The following KCNN2 variants were observed in gnomAD, a reference collection of about 807,000 sequenced individuals.
The protein encoded by KCNN2 is potassium calcium-activated channel subfamily N member 2, also known as small conductance calcium-activated potassium channel protein 2.
In KCNN2, 24 loss-of-function variants were observed where a neutral mutation model predicts 55.5. The ratio of observed to expected loss-of-function variants is 0.43; its 90% CI spans 0.31 to 0.61. The LOEUF (loss-of-function observed/expected upper bound fraction) is 0.61, where lower values mean the gene tolerates loss of function less well. KCNN2 is among the 20% of genes least tolerant of loss of function. KCNN2 has a pLI of 0.08. For missense variants in KCNN2, 754 were observed against 853.6 expected (o/e 0.88, Z 1.45); for synonymous variants, 431 against 336.1 (o/e 1.28, Z -3.09).
At chr5:114,082,833 A>G (rs1393646637) in intron 1 of KCNN2, among the ~76,000 whole-genome samples, 6 of 152,192 alleles carry the variant, frequency 3.9e-5, no homozygotes, top group African/African-American at 1.4e-4. Flanking sequence ...ATATGATTTC[A>G]CTTATACAAG....
At chr5:114,250,761 C>G (rs1283643174) in intron 2 of KCNN2, among the ~76,000 whole-genome samples, 1 of 152,122 alleles carries the variant, frequency 6.6e-6, no homozygotes, top group African/African-American at 2.4e-5. Flanking sequence ...ACACTTAGAG[C>G]CACATTGGTC....
chr5:114,181,132 T>C (rs1753228849), intron 1 of KCNN2, among the ~76,000 whole-genome samples: 1 of 152,224 alleles, frequency 6.6e-6, no homozygotes, highest in Non-Finnish European at 1.5e-5. Context: ...TCTTTTCTCT[T>C]AAGTACCTAG....
At chr5:114,386,729 A>C (rs1040312479) in intron 2 of KCNN2, among the ~76,000 whole-genome samples, 3 of 152,184 alleles carry the variant, frequency 2.0e-5, no homozygotes, top group African/African-American at 4.8e-5. Flanking sequence ...GAATATAAGG[A>C]GGGGCAAGGG....
chr5:114,172,402 C>T (rs1438910249), intron 1 of KCNN2, among the ~76,000 whole-genome samples: 3 of 151,658 alleles, frequency 2.0e-5, no homozygotes, highest in East Asian at 3.9e-4. Context: ...CTTCTCATCC[C>T]TCACCAACTT....
chr5:114,117,458 C>A (rs1294147816), intron 1 of KCNN2, among the ~76,000 whole-genome samples: 1 of 152,190 alleles, frequency 6.6e-6, no homozygotes, highest in Non-Finnish European at 1.5e-5. Context: ...TGGGAGTAGT[C>A]AGCACCAGTG....
intron 2 of KCNN2, among the ~76,000 whole-genome samples, chr5:114,350,079 G>A (rs1232947471): frequency 2.0e-5 from 3 of 151,832 alleles, no homozygotes; most frequent in African/African-American, 7.3e-5. Flanking sequence ...CAGAGATTTT[G>A]CCTTTGGCTT....
At chr5:114,458,640 C>T (rs1761044421) in intron 3 of KCNN2, among the ~76,000 whole-genome samples, 1 of 152,122 alleles carries the variant, frequency 6.6e-6, no homozygotes, top group African/African-American at 2.4e-5. Flanking sequence ...AATTTCGATT[C>T]TAAGGGTATG....
chr5:114,243,786 T>C (rs1169391540), intron 2 of KCNN2, among the ~76,000 whole-genome samples: 1 of 152,168 alleles, frequency 6.6e-6, no homozygotes, highest in Non-Finnish European at 1.5e-5. Context: ...TGGAATGTGT[T>C]TCCCCCAGGA....
Position 114,404,655 on chromosome 5 carries a change from A to T in KCNN2, c.1436A>T (p.Tyr479Phe). The T allele has an allele frequency of 1.9e-6, 3 of 1,613,618 alleles. No individual in the cohort carries two copies. The highest frequency in any genetic ancestry group is 2.5e-6 in the Non-Finnish European group (3 of 1,179,592). ...TCTATACCAATGTTCTTAAGACTCT[A>T]TCTGATTGCCAGAGTCATGCTTTTA... is the stretch of plus-strand genomic sequence containing the variant. ...ILSIPMFLRL[Y>F]LIARVMLLHS... is the part of the protein sequence containing the mutation. Residue 479 changes from tyrosine to phenylalanine, a missense_variant, in exon 3 of 8, where the codon TAT becomes TTT. Coordinates refer to ENST00000673685, the MANE Select transcript of KCNN2 (RefSeq NM_021614.4).
intron 3 of KCNN2, among the ~76,000 whole-genome samples, chr5:114,436,200 T>G (rs1418258592): frequency 6.6e-6 from 1 of 152,212 alleles, no homozygotes; most frequent in Non-Finnish European, 1.5e-5. Context: ...AGAATACACT[T>G]TGTCAGCTTG....
At chr5:114,360,051 G>A (rs1757373741), upstream of KCNN2, among the ~76,000 whole-genome samples, 1 of 152,118 alleles carries the variant, frequency 6.6e-6, no homozygotes, top group African/African-American at 2.4e-5. Flanking sequence ...AGTAATAGAT[G>A]ATAAAAACAA....
chr5:114,322,002 G>T (rs1001684528), intron 2 of KCNN2, among the ~76,000 whole-genome samples: 4 of 152,166 alleles, frequency 2.6e-5, no homozygotes, highest in African/African-American at 9.7e-5. Flanking sequence ...TCTGTCTTCA[G>T]AATGTGGTAG....
intron 2 of KCNN2, among the ~76,000 whole-genome samples, chr5:114,298,404 TCTC>T (rs1756079748): frequency 6.6e-6 from 1 of 152,168 alleles, no homozygotes; most frequent in African/African-American, 2.4e-5. Context: ...TCCCGGCTCT[TCTC>T]CTCACTCAGC....
chr5:114,432,047 T>C (rs1017713329), intron 3 of KCNN2, among the ~76,000 whole-genome samples: 10 of 152,246 alleles, frequency 6.6e-5, no homozygotes, highest in African/African-American at 2.4e-4. Flanking sequence ...TATTCTGCTG[T>C]TGTTGTGTAA....
intron 1 of KCNN2, among the ~76,000 whole-genome samples, chr5:114,113,435 A>G (rs1199919478): frequency 6.6e-6 from 1 of 152,068 alleles, no homozygotes; most frequent in Non-Finnish European, 1.5e-5. Context: ...GGGGAGGAGA[A>G]AAACTTTTTT....
intron 1 of KCNN2, among the ~76,000 whole-genome samples, chr5:114,086,060 A>T: frequency 6.6e-6 from 1 of 152,004 alleles, no homozygotes; most frequent in African/African-American, 2.4e-5. Context: ...CTTTTCTTTG[A>T]TTAAAATTTG....
At chr5:114,311,876 A>T (rs745923488) in intron 2 of KCNN2, among the ~76,000 whole-genome samples, 29 of 152,216 alleles carry the variant, frequency 1.9e-4, no homozygotes, top group Middle Eastern at 3.4e-3. Flanking sequence ...AAATGAGAAA[A>T]CTCATGCTAT....
chr5:114,315,337 A>T (rs1278765958), intron 2 of KCNN2, among the ~76,000 whole-genome samples: 7 of 152,000 alleles, frequency 4.6e-5, no homozygotes, highest in Admixed American at 4.6e-4. Context: ...TTTTATAGAG[A>T]TACCAAAGAG....
At chr5:114,119,148 A>G (rs1751777805) in intron 1 of KCNN2, among the ~76,000 whole-genome samples, 2 of 152,212 alleles carry the variant, frequency 1.3e-5, no homozygotes. Flanking sequence ...AAGTTTGGTT[A>G]GAGGTGTTTC....
Sources: gnomAD v4.1 joint callset for allele counts (sites outside exome capture counted in the v4.1 genomes callset) on GRCh38, gnomAD v4.1.1 for gene constraint, MANE v1.5 for transcripts, NCBI Gene and HGNC (gene_info 2026-07-23, HGNC 2026-07-21) for gene names.